Variants in MS4A6E observed in about 807,000 individuals in gnomAD.
MS4A6E encodes membrane spanning 4-domains A6E, also known as membrane-spanning 4-domains subfamily A member 6E.
MS4A6E carries 8 observed loss-of-function variants against 13.2 expected under a neutral mutation model. The observed-to-expected ratio is 0.60, with a 90% confidence interval of 0.35 to 1.09. The LOEUF (loss-of-function observed/expected upper bound fraction) is 1.09, where lower values mean the gene tolerates loss of function less well. MS4A6E is among the 50% of genes least tolerant of loss of function. MS4A6E has a pLI of 0.02. For synonymous variants in MS4A6E, 72 were observed against 67.6 expected (o/e 1.06, Z -0.32); for missense variants, 177 against 171.1 (o/e 1.03, Z -0.19).
chr11:60,337,692 A>C, intron 2 of MS4A6E, 49 bp from the exon 3 acceptor site: 1 of 1,605,032 alleles, frequency 6.2e-7, no homozygotes, highest in Non-Finnish European at 8.5e-7. Context: ...GGGATAAGAG[A>C]GATTCGTGGC....
rs184703215 is a variant in MS4A6E, at chr11:60,340,946, T to C, written c.*180T>C. On this transcript the variant is annotated 3_prime_UTR_variant, in exon 5 of 5. Transcript: ENST00000684409. ...TCCTAAATGTAAGCATTTAAAGTAA[T>C]GCATATTTGTTTTAAAAAATTATTT... 2.0e-5 allele frequency: 3 copies of C among 152,724 alleles called. No homozygotes were observed. Among genetic ancestry groups the C allele is most frequent in the Admixed American group, 2.0e-4 (3 of 15,310 alleles). The allele number at this position is 152,724 out of a possible 1,614,324, so 9.5% of individuals were successfully genotyped here.
At chr11:60,348,881 G>C (rs1342191110) in intron 4 of MS4A6E, among the ~76,000 whole-genome samples, 1 of 152,186 alleles carries the variant, frequency 6.6e-6, no homozygotes, top group Non-Finnish European at 1.5e-5. Context: ...ATTTGATTTG[G>C]TTTTAAAATG....
intron 3 of MS4A6E, among the ~76,000 whole-genome samples, chr11:60,338,227 T>A (rs1000794216): frequency 3.3e-5 from 5 of 152,186 alleles, no homozygotes; most frequent in Non-Finnish European, 4.4e-5. Flanking sequence ...TTTGGAGGCA[T>A]AAATTATGAG....
At chr11:60,338,995 C>T (rs372498810) in intron 3 of MS4A6E, among the ~76,000 whole-genome samples, 36 of 152,022 alleles carry the variant, frequency 2.4e-4, no homozygotes, top group Admixed American at 1.0e-3. Flanking sequence ...CATGATGGGA[C>T]GATTTTATAT....
chr11:60,341,481 T>A (rs529244427), downstream of MS4A6E, among the ~76,000 whole-genome samples: 12 of 152,290 alleles, frequency 7.9e-5, no homozygotes, highest in African/African-American at 2.9e-4. Context: ...TAACCAGGAA[T>A]GCTTATCTGT....
intron 1 of MS4A6E, among the ~76,000 whole-genome samples, chr11:60,332,978 C>T (rs2085166700): frequency 6.6e-6 from 1 of 152,250 alleles, no homozygotes; most frequent in Non-Finnish European, 1.5e-5. Flanking sequence ...TTAATTGTCA[C>T]TTTGAGGAAA....
At chr11:60,334,758 C>A in intron 1 of MS4A6E, 124 bp from the exon 2 acceptor site, 1 of 1,009,984 alleles carries the variant, frequency 9.9e-7, no homozygotes, top group Non-Finnish European at 1.5e-6. Flanking sequence ...TCCATAATAT[C>A]AGTTTCTTTC....
At chr11:60,338,068 C>G in intron 3 of MS4A6E, 121 bp downstream of exon 3, 1 of 932,792 alleles carries the variant, frequency 1.1e-6, no homozygotes, top group South Asian at 1.7e-5. Context: ...GGAGGAAGGC[C>G]AAGGTTATGT....
chr11:60,333,829 T>G (rs2085171708), intron 1 of MS4A6E, among the ~76,000 whole-genome samples: 1 of 152,188 alleles, frequency 6.6e-6, no homozygotes, highest in African/African-American at 2.4e-5. Context: ...AACACCAAAA[T>G]TTATCTCCAA....
intron 4 of MS4A6E, among the ~76,000 whole-genome samples, chr11:60,346,856 G>T (rs553108995): frequency 6.6e-6 from 1 of 152,206 alleles, no homozygotes; most frequent in Non-Finnish European, 1.5e-5. Context: ...AGAGCTGCCT[G>T]CTTTTCAGCT....
chr11:60,331,509 C>T (rs2085155715), intron 1 of MS4A6E, among the ~76,000 whole-genome samples: 1 of 151,966 alleles, frequency 6.6e-6, no homozygotes. Context: ...TAGTCTGGAG[C>T]ATTTGTTTCA....
intron 4 of MS4A6E, among the ~76,000 whole-genome samples, chr11:60,346,704 A>G (rs4474454): frequency 4.8e-4 from 73 of 152,200 alleles, no homozygotes; most frequent in African/African-American, 1.4e-3. Flanking sequence ...TGGAGTTCCA[A>G]TCAGGGTTGG....
At chr11:60,327,967 T>C (rs942504719) in intron 1 of MS4A6E, among the ~76,000 whole-genome samples, 26 of 142,916 alleles carry the variant, frequency 1.8e-4, no homozygotes, top group African/African-American at 6.3e-4. Context: ...GAGGCGGAAG[T>C]TGCCATGAGC....
At chr11:60,329,443 C>T (rs1365689249) in intron 1 of MS4A6E, among the ~76,000 whole-genome samples, 3 of 152,272 alleles carry the variant, frequency 2.0e-5, no homozygotes, top group East Asian at 1.9e-4. Context: ...AATAGTGCTG[C>T]GATAAACATA....
chr11:60,346,409 A>G (rs1461826784), intron 4 of MS4A6E, among the ~76,000 whole-genome samples: 1 of 152,158 alleles, frequency 6.6e-6, no homozygotes, highest in Non-Finnish European at 1.5e-5. Flanking sequence ...CCAAGGTGCT[A>G]TCTGGTCCTA....
At position 60,327,363 on chromosome 11, in the gene MS4A6E, G is replaced by C. The variant is rs1406913270; in HGVS notation, c.-60G>C. Among the ~76,000 whole-genome samples, 2 of 152,216 alleles carry C rather than the reference G, an allele frequency of 1.3e-5. No homozygotes were observed. Among genetic ancestry groups the C allele is most frequent in the South Asian group, 4.1e-4 (2 of 4,824 alleles). ...GCAAGCAACGTGACCCTAAGTAGAT[G>C]CTGAACCTGTGGCACCTTGATCGTG... On this transcript the variant is annotated 5_prime_UTR_variant, in exon 1 of 5. The change abolishes an upstream ATG in the 5' untranslated region. Transcript: ENST00000684409.
At chr11:60,334,078 G>C (rs1376505526) in intron 1 of MS4A6E, among the ~76,000 whole-genome samples, 2 of 152,206 alleles carry the variant, frequency 1.3e-5, no homozygotes, top group African/African-American at 4.8e-5. Context: ...CCAGCATTCT[G>C]GGTTTCCAGC....
downstream of MS4A6E, among the ~76,000 whole-genome samples, chr11:60,342,075 CACTA>C (rs2085228833): frequency 6.6e-6 from 1 of 151,778 alleles, no homozygotes; most frequent in East Asian, 1.9e-4. Flanking sequence ...AGAATAAAGA[CACTA>C]ACTGTTATTT....
intron 4 of MS4A6E, among the ~76,000 whole-genome samples, chr11:60,348,101 G>A (rs1171378409): frequency 2.6e-5 from 4 of 152,196 alleles, no homozygotes; most frequent in Non-Finnish European, 1.5e-5. Context: ...CCAAATGGTG[G>A]TTTTCCTGCT....
Sources: gnomAD v4.1 joint callset for allele counts (sites outside exome capture counted in the v4.1 genomes callset) on GRCh38, gnomAD v4.1.1 for gene constraint, MANE v1.5 for transcripts, NCBI Gene and HGNC (gene_info 2026-07-23, HGNC 2026-07-21) for gene names.